ZNF804B: variants seen among roughly 807,000 people sequenced by gnomAD.
The protein encoded by ZNF804B is zinc finger protein 804B, also known as zinc finger 804B.
Under a neutral mutation model 101.4 loss-of-function variants are expected in ZNF804B, and 80 were observed. The ratio of observed to expected loss-of-function variants is 0.79; its 90% CI spans 0.66 to 0.95. The LOEUF is 0.95. Ranked by LOEUF, ZNF804B falls within the 40% of genes least tolerant of loss-of-function variation. ZNF804B has a pLI of 0.00. For synonymous variants in ZNF804B, 622 were observed against 558.8 expected (o/e 1.11, Z -1.59); for missense variants, 1,673 against 1,561.9 (o/e 1.07, Z -1.20).
intron 1 of ZNF804B, among the ~76,000 whole-genome samples, chr7:89,162,256 A>G (rs976536169): frequency 1.3e-5 from 2 of 152,150 alleles, no homozygotes; most frequent in Non-Finnish European, 2.9e-5. Context: ...CAATTCCCCA[A>G]TGAGTTCTGA....
At chr7:89,000,590 A>T (rs1788269260) in intron 1 of ZNF804B, among the ~76,000 whole-genome samples, 2 of 151,836 alleles carry the variant, frequency 1.3e-5, no homozygotes, top group African/African-American at 4.8e-5. Flanking sequence ...CCCTGAACAT[A>T]TTTATCTTCC....
chr7:89,333,454 A>C lies in ZNF804B; in HGVS notation c.472A>C (p.Lys158Gln). 1 of 1,613,134 alleles carries C rather than the reference A, an allele frequency of 6.2e-7. No individual in the cohort carries two copies. The highest frequency in any genetic ancestry group is 8.5e-7 in the Non-Finnish European group (1 of 1,179,468). Residue 158 changes from lysine (K) to glutamine (Q), a missense_variant, in exon 4 of 4, where the codon AAG becomes CAG. Physicochemically the swap from Lys to Gln is moderately conservative, Grantham distance 53. Transcript: ENST00000333190. ...QGIFPIKNGR[K>Q]VSCMKSALLL... ...AATTTTCCCCATTAAGAATGGCAGA[A>C]AGGTATCATGCATGAAGAGTGCTCT...
chr7:88,944,428 T>C (rs1793096624), intron 1 of ZNF804B, among the ~76,000 whole-genome samples: 1 of 151,854 alleles, frequency 6.6e-6, no homozygotes, highest in African/African-American at 2.4e-5. Context: ...CTTATTTTTA[T>C]TGTATTTTAA....
At position 89,276,071 on chromosome 7, in the gene ZNF804B, GA is replaced by G. The variant is rs1266824240; in HGVS notation, c.250-51269del. On this transcript the variant is annotated intron_variant, in intron 2 of 3. Transcript: ENST00000333190. ...TCCTTAGCAAACTAACACAGGAACA[GA>G]AAACCAAACACCATATATTTTCATG... Among the ~76,000 whole-genome samples, 3 of 151,946 alleles carry G rather than the reference GA, an allele frequency of 2.0e-5. No homozygotes were observed. The East Asian group carries it at 5.8e-4, about 29-fold the overall frequency.
At chr7:88,873,355 G>A (rs1388047454) in intron 1 of ZNF804B, among the ~76,000 whole-genome samples, 1 of 152,174 alleles carries the variant, frequency 6.6e-6, no homozygotes, top group African/African-American at 2.4e-5. Flanking sequence ...GTTCATTGTA[G>A]ATTCTTGATA....
chr7:88,888,253 G>A (rs1002670860), intron 1 of ZNF804B, among the ~76,000 whole-genome samples: 6 of 152,028 alleles, frequency 3.9e-5, no homozygotes, highest in South Asian at 2.1e-4. Context: ...TTAGCCAGGC[G>A]TGGTGGGGGG....
intron 1 of ZNF804B, among the ~76,000 whole-genome samples, chr7:89,042,334 G>C (rs1161632679): frequency 6.6e-6 from 1 of 152,118 alleles, no homozygotes; most frequent in African/African-American, 2.4e-5. Context: ...CTCACTTTGG[G>C]AGATGAAAGA....
At chr7:89,315,187 A>T (rs776774158) in intron 2 of ZNF804B, among the ~76,000 whole-genome samples, 15 of 152,206 alleles carry the variant, frequency 9.9e-5, no homozygotes, top group South Asian at 8.3e-4. Context: ...ACACTTTTAT[A>T]CAATCATGTC....
intron 1 of ZNF804B, among the ~76,000 whole-genome samples, chr7:88,816,687 C>T (rs984862651): frequency 1.2e-4 from 17 of 143,952 alleles, no homozygotes; most frequent in Non-Finnish European, 2.3e-4. Flanking sequence ...AATGAGATAC[C>T]ATCTCACACC....
At chr7:88,871,600 A>T (rs1791823887) in intron 1 of ZNF804B, among the ~76,000 whole-genome samples, 1 of 152,170 alleles carries the variant, frequency 6.6e-6, no homozygotes, top group Non-Finnish European at 1.5e-5. Context: ...AACATAAAAT[A>T]TATATTTAAA....
chr7:88,832,655 T>A (rs1791150016), intron 1 of ZNF804B, among the ~76,000 whole-genome samples: 1 of 152,040 alleles, frequency 6.6e-6, no homozygotes, highest in Admixed American at 6.6e-5. Flanking sequence ...TTGATTTTTT[T>A]ATGGCATTTC....
chr7:88,872,919 G>A (rs1370875802), intron 1 of ZNF804B, among the ~76,000 whole-genome samples: 17 of 151,826 alleles, frequency 1.1e-4, no homozygotes, highest in African/African-American at 1.5e-4. Flanking sequence ...GAATAATGCC[G>A]CAATAAATAT....
intron 1 of ZNF804B, among the ~76,000 whole-genome samples, chr7:88,999,185 T>G (rs1449892010): frequency 6.6e-6 from 1 of 152,044 alleles, no homozygotes; most frequent in African/African-American, 2.4e-5. Context: ...CAAATTATTT[T>G]CAGAGACTCA....
intron 1 of ZNF804B, among the ~76,000 whole-genome samples, chr7:88,886,570 A>G (rs1033952210): frequency 3.3e-5 from 5 of 152,066 alleles, no homozygotes; most frequent in African/African-American, 7.2e-5. Context: ...TCTGAGTGCT[A>G]ATATAACTAA....
intron 2 of ZNF804B, among the ~76,000 whole-genome samples, chr7:89,265,070 A>G (rs1789765269): frequency 6.6e-6 from 1 of 152,186 alleles, no homozygotes; most frequent in East Asian, 1.9e-4. Flanking sequence ...TTTTTATCTC[A>G]ATCACCATGT....
chr7:89,129,755 G>T (rs1022264194), intron 1 of ZNF804B, among the ~76,000 whole-genome samples: 2 of 151,968 alleles, frequency 1.3e-5, no homozygotes, highest in Non-Finnish European at 2.9e-5. Flanking sequence ...TAAGCAGTCT[G>T]CTAGGAAAGC....
At chr7:88,798,021 C>T (rs1294342433) in intron 1 of ZNF804B, among the ~76,000 whole-genome samples, 1 of 151,996 alleles carries the variant, frequency 6.6e-6, no homozygotes, top group Non-Finnish European at 1.5e-5. Flanking sequence ...GCTCATTCTC[C>T]TCCAGGTCTA....
chr7:88,885,797 A>T (rs1009488352), intron 1 of ZNF804B, among the ~76,000 whole-genome samples: 4 of 151,670 alleles, frequency 2.6e-5, no homozygotes, highest in African/African-American at 7.3e-5. Context: ...CGTCTGTTTA[A>T]ACCTGCTGAA....
chr7:89,209,085 G>T (rs1788763433), intron 1 of ZNF804B, among the ~76,000 whole-genome samples: 1 of 151,402 alleles, frequency 6.6e-6, no homozygotes, highest in South Asian at 2.1e-4. Context: ...TCCAAAATAG[G>T]CAATTATTTA....
Sources: gnomAD v4.1 joint callset for allele counts (sites outside exome capture counted in the v4.1 genomes callset) on GRCh38, gnomAD v4.1.1 for gene constraint, MANE v1.5 for transcripts, NCBI Gene and HGNC (gene_info 2026-07-23, HGNC 2026-07-21) for gene names.